The following TTLL5 variants were observed in gnomAD, a reference collection of about 807,000 sequenced individuals.
TTLL5 encodes tubulin polyglutamylase TTLL5.
TTLL5 carries 132 observed loss-of-function variants against 168.4 expected under a neutral mutation model. The observed-to-expected ratio is 0.78, with a 90% CI of 0.68 to 0.91. The LOEUF (loss-of-function observed/expected upper bound fraction) is 0.91. TTLL5 is among the 40% of genes least tolerant of loss of function. The probability of loss-of-function intolerance (pLI) is 0.00; values close to 1 mark genes in which losing one functional copy is unlikely to be tolerated. For missense variants in TTLL5, 1,545 were observed against 1,581.5 expected, an observed-to-expected ratio of 0.98 and a Z score of 0.39; for synonymous variants, 546 against 558.6, an observed-to-expected ratio of 0.98 and a Z score of 0.32.
intron 31 of TTLL5, among the ~76,000 whole-genome samples, chr14:75,949,574 G>C (rs1345197531): frequency 6.6e-6 from 1 of 151,694 alleles, no homozygotes; most frequent in Non-Finnish European, 1.5e-5. Flanking sequence ...TTTGTAGCCT[G>C]GCCTGGTGGT....
In TTLL5 at chr14:75,904,673, CAT is replaced by C. The variant is rs1174139376; in HGVS notation, c.3823+2451_3823+2452del. On this transcript the variant is annotated intron_variant, in intron 31 of 31. Transcript: ENST00000298832. ...GAAGTTGTATTTCTTCCTGGCTTCT[CAT>C]AGTGACCTTTCCCTGCTAATTCTAC... Among the ~76,000 whole-genome samples, 40 of 152,278 alleles carry C rather than the reference CAT, an allele frequency of 2.6e-4. No homozygotes were observed. In the Middle Eastern group the frequency reaches 0.014, roughly 52 times the overall value.
intron 31 of TTLL5, among the ~76,000 whole-genome samples, chr14:75,929,490 C>T (rs1466281329): frequency 4.2e-5 from 5 of 119,656 alleles, no homozygotes; most frequent in South Asian, 2.6e-4. Context: ...CTCGCTCTGT[C>T]GCCCAGGCTG....
At chr14:75,669,287 A>G in intron 2 of TTLL5, 129 bp from the exon 3 acceptor site, 1 of 801,652 alleles carries the variant, frequency 1.2e-6, no homozygotes, top group Non-Finnish European at 2.0e-6. Flanking sequence ...GTGATTTCCC[A>G]CAGGATATTT....
chr14:75,936,875 T>A (rs1354337905), intron 31 of TTLL5, among the ~76,000 whole-genome samples: 1 of 152,284 alleles, frequency 6.6e-6, no homozygotes. Context: ...CCTAAGCAGA[T>A]GGGAAGTGTC....
chr14:75,749,449 T>C (rs1889813801), intron 17 of TTLL5, among the ~76,000 whole-genome samples: 1 of 152,140 alleles, frequency 6.6e-6, no homozygotes, highest in Non-Finnish European at 1.5e-5. Flanking sequence ...GGGGAATTGA[T>C]TGTAACTGTC....
intron 6 of TTLL5, among the ~76,000 whole-genome samples, chr14:75,693,676 T>G (rs1885620708): frequency 6.6e-6 from 1 of 152,200 alleles, no homozygotes; most frequent in Non-Finnish European, 1.5e-5. Context: ...AGGGGACAGC[T>G]TTCTAAGCAG....
At chr14:75,737,671 T>A in intron 15 of TTLL5, 1 of 1,477,598 alleles carries the variant, frequency 6.8e-7, no homozygotes, top group South Asian at 1.3e-5. Context: ...TGGAAAGTTT[T>A]TTAGCTTTAG....
chr14:75,743,033 T>G (rs1889369046), intron 15 of TTLL5, among the ~76,000 whole-genome samples: 1 of 152,238 alleles, frequency 6.6e-6, no homozygotes, highest in Admixed American at 6.5e-5. Context: ...TAGCCATGAT[T>G]GATGTCAGCA....
At chr14:75,914,032 AAATAT>A (rs1293720706) in intron 31 of TTLL5, among the ~76,000 whole-genome samples, 5 of 117,572 alleles carry the variant, frequency 4.3e-5, no homozygotes, top group Non-Finnish European at 6.4e-5. Flanking sequence ...AAAAAAAAAA[AAATAT>A]ATATATATAT....
intron 31 of TTLL5, among the ~76,000 whole-genome samples, chr14:75,920,374 T>C (rs2033783210): frequency 6.6e-6 from 1 of 152,130 alleles, no homozygotes; most frequent in Non-Finnish European, 1.5e-5. Flanking sequence ...ATCATATTTC[T>C]CCTAATGCTA....
chr14:75,872,282 A>G (rs930605412), intron 29 of TTLL5, among the ~76,000 whole-genome samples: 1 of 152,206 alleles, frequency 6.6e-6, no homozygotes, highest in Non-Finnish European at 1.5e-5. Flanking sequence ...GTCTTTATAT[A>G]CATCTGGTGG....
chr14:75,803,106 G>A (rs1893426388), intron 27 of TTLL5: 1 of 152,226 alleles, frequency 6.6e-6, no homozygotes, highest in African/African-American at 2.4e-5. Context: ...CTTAGATGAT[G>A]GAGATTCTCT....
chr14:75,894,645 T>C (rs185545512), intron 30 of TTLL5, among the ~76,000 whole-genome samples: 1 of 152,148 alleles, frequency 6.6e-6, no homozygotes, highest in African/African-American at 2.4e-5. Context: ...AAAATAAATG[T>C]TGACAAATTA....
chr14:75,815,041 T>A (rs1894309500), intron 27 of TTLL5, among the ~76,000 whole-genome samples: 1 of 152,182 alleles, frequency 6.6e-6, no homozygotes. Flanking sequence ...TGGAGAAATG[T>A]GTAAAGAAGA....
At chr14:75,821,066 G>A (rs541844406) in intron 28 of TTLL5, among the ~76,000 whole-genome samples, 1 of 152,162 alleles carries the variant, frequency 6.6e-6, no homozygotes. Flanking sequence ...AGATTCAGAG[G>A]GGGTACTGAA....
intron 29 of TTLL5, 28 bp from the exon 30 acceptor site, chr14:75,882,657 G>C (rs760992158): frequency 1.9e-6 from 3 of 1,589,912 alleles, no homozygotes; most frequent in East Asian, 4.5e-5. Flanking sequence ...GATGTCCATC[G>C]ATCATTTTTT....
intron 28 of TTLL5, among the ~76,000 whole-genome samples, chr14:75,840,890 T>C (rs1428675375): frequency 6.6e-6 from 1 of 152,226 alleles, no homozygotes; most frequent in Non-Finnish European, 1.5e-5. Context: ...TTTTATTGGC[T>C]CACAGTTCTG....
chr14:75,845,880 T>G (rs1478305662), intron 28 of TTLL5, among the ~76,000 whole-genome samples: 1 of 152,176 alleles, frequency 6.6e-6, no homozygotes, highest in Non-Finnish European at 1.5e-5. Flanking sequence ...AGCCTAGACC[T>G]GTTTTTTTGG....
chr14:75,850,519 G>A (rs1267716877), intron 28 of TTLL5, among the ~76,000 whole-genome samples: 1 of 151,126 alleles, frequency 6.6e-6, no homozygotes, highest in East Asian at 1.9e-4. Flanking sequence ...ATAGTTCCCA[G>A]TGTTTATCAA....
Sources: allele counts gnomAD v4.1 joint callset (sites outside exome capture counted in the v4.1 genomes callset), GRCh38; gene constraint gnomAD v4.1.1; transcripts MANE v1.5; gene names NCBI Gene and HGNC (gene_info 2026-07-23, HGNC 2026-07-21).